The following ACACB variants were observed in gnomAD, a reference collection of about 807,000 sequenced individuals.
ACACB encodes the protein acetyl-CoA carboxylase beta.
Under a neutral mutation model 278.8 loss-of-function variants are expected in ACACB, and 209 were observed. The ratio of observed to expected loss-of-function variants is 0.75; its 90% CI spans 0.67 to 0.84. ACACB has a LOEUF of 0.84. Among genes scored for constraint, ACACB ranks in the 40% least tolerant of loss-of-function variants. ACACB has a pLI of 0.00. For missense variants in ACACB, 2,850 were observed against 3,269.0 expected (o/e 0.87, Z 3.13); for synonymous variants, 1,174 against 1,285.6 (o/e 0.91, Z 1.86).
In ACACB at chr12:109,249,841, T is replaced by G. The variant is rs903169560; in HGVS notation, c.5670-143T>G. On this transcript the variant is annotated intron_variant, in intron 40 of 52. Transcript: ENST00000338432. ...TAGCACTCATTTTGAGGGTTCTAGA[T>G]GCCAATTTCATTTTGCCTCTGGATG... 1.2e-5 allele frequency: 13 copies of G among 1,068,404 alleles called. No individual in the cohort carries two copies. The African/African-American group carries it at 1.4e-4, about 12-fold the overall frequency. 66.2% of individuals were successfully genotyped at this position (1,068,404 alleles called of 1,614,324 possible).
chr12:109,246,090 T>TA (rs1447906529), intron 38 of ACACB, 89 bp from the exon 39 acceptor site: 57 of 1,402,710 alleles, frequency 4.1e-5, no homozygotes, highest in Admixed American at 9.6e-5. Context: ...ACCCTGTATC[T>TA]AAAAAAAATA....
intron 2 of ACACB, among the ~76,000 whole-genome samples, chr12:109,152,643 T>TCTTTC (rs1363561210): frequency 8.5e-6 from 1 of 117,918 alleles, no homozygotes; most frequent in African/African-American, 4.8e-5. Flanking sequence ...TTTCTTTCTT[T>TCTTTC]TTTTTTTTTT....
At chr12:109,140,477 T>C (rs2043096587) in intron 2 of ACACB, among the ~76,000 whole-genome samples, 1 of 152,132 alleles carries the variant, frequency 6.6e-6, no homozygotes, top group African/African-American at 2.4e-5. Context: ...GCCAACATGG[T>C]GAAACTCCGT....
At chr12:109,154,685 C>T (rs1259810976) in intron 2 of ACACB, 1 of 152,346 alleles carries the variant, frequency 6.6e-6, no homozygotes, top group African/African-American at 2.4e-5. Flanking sequence ...GGGTGCATTT[C>T]GGGATGGAGC....
chr12:109,179,390 T>C lies in ACACB; in HGVS notation c.1647+93T>C, dbSNP rs2044386918. ...TTCTACGGTCAGTGTGGCTGAATGG[T>C]GGCATGGGTGCCTAACAAGAGGGAT... On this transcript the variant is annotated intron_variant, in intron 10 of 52. Transcript: ENST00000338432. 20 of 1,329,376 alleles carry C rather than the reference T, an allele frequency of 1.5e-5. No homozygotes were observed. In the East Asian group the frequency reaches 5.0e-4, roughly 33 times the overall value. 82.3% of individuals were successfully genotyped at this position (1,329,376 alleles called of 1,614,324 possible).
At chr12:109,130,102 A>G (rs1054232900) in intron 1 of ACACB, among the ~76,000 whole-genome samples, 3 of 152,182 alleles carry the variant, frequency 2.0e-5, no homozygotes, top group Non-Finnish European at 4.4e-5. Context: ...CACACTGTCC[A>G]TTGGTGGCAG....
chr12:109,240,321 A>G (rs776296420), intron 35 of ACACB, among the ~76,000 whole-genome samples: 27 of 152,020 alleles, frequency 1.8e-4, no homozygotes, highest in Non-Finnish European at 3.7e-4. Flanking sequence ...TCTGTGGCTG[A>G]ATGTTCCCTG....
In ACACB at chr12:109,253,161, G is replaced by A. The variant is rs2047140950; in HGVS notation, c.6045+3G>A. On this transcript the variant is annotated splice_donor_region_variant and intron_variant, in intron 43 of 52. Transcript: ENST00000338432. ...AGTGGCTGTCCTATATGCCAAAGGT[G>A]CAGTACTCCCCCTGCAGCTTAGAAC... The A allele has an allele frequency of 6.4e-7, 1 of 1,569,480 alleles. No individual in the cohort carries two copies. The highest frequency in any genetic ancestry group is 8.7e-7 in the Non-Finnish European group (1 of 1,154,308).
chr12:109,192,116 C>A (rs972016436), intron 15 of ACACB, among the ~76,000 whole-genome samples, 166 bp downstream of exon 15: 1 of 152,078 alleles, frequency 6.6e-6, no homozygotes, highest in Non-Finnish European at 1.5e-5. Flanking sequence ...CCTAGGCTAC[C>A]CTTGAAGAGG....
chr12:109,260,183 G>A (rs2047342249), intron 47 of ACACB: 1 of 1,423,978 alleles, frequency 7.0e-7, no homozygotes, highest in African/African-American at 1.4e-5. Context: ...GAAATGGTGG[G>A]GCAGGGCAGG....
chr12:109,237,428 C>A, intron 34 of ACACB, 48 bp downstream of exon 34: 1 of 1,543,398 alleles, frequency 6.5e-7, no homozygotes, highest in East Asian at 2.4e-5. Context: ...CTGGCCCTCC[C>A]TTCCTTACAT....
At chr12:109,142,071 G>T (rs964380239) in intron 2 of ACACB, among the ~76,000 whole-genome samples, 3 of 150,972 alleles carry the variant, frequency 2.0e-5, no homozygotes, top group Non-Finnish European at 4.4e-5. Context: ...AATATAGTGA[G>T]ACCTCATCTC....
At chr12:109,265,356 C>G (rs1226613345) in intron 51 of ACACB, 33 bp from the exon 52 acceptor site, 4 of 1,611,672 alleles carry the variant, frequency 2.5e-6, no homozygotes, top group East Asian at 4.5e-5. Context: ...ACAGCTGGGT[C>G]CCTCTCTGAG....
At chr12:109,185,866 C>T in intron 12 of ACACB, 126 bp downstream of exon 12, 4 of 888,144 alleles carry the variant, frequency 4.5e-6, no homozygotes, top group Non-Finnish European at 6.5e-6. Flanking sequence ...AATGGGGAAA[C>T]TGAGGCATGG....
Position 109,212,704 on chromosome 12 carries a change from C to G in ACACB, c.3250-132C>G. The stretch of plus-strand genomic sequence containing the variant: ...TCCCTCACCCACTGCTTACCTCCCA[C>G]TGTTCAGCCAGTTCCTAACAGGCCA... On this transcript the variant is annotated intron_variant, in intron 21 of 52. Transcript: ENST00000338432. 2.3e-5 allele frequency: 16 copies of G among 700,076 alleles called. No individual in the cohort carries two copies. The South Asian group carries it at 2.6e-4, about 11-fold the overall frequency. 43.4% of individuals were successfully genotyped at this position (700,076 alleles called of 1,614,324 possible).
chr12:109,182,661 T>C (rs2044519293), intron 11 of ACACB, among the ~76,000 whole-genome samples: 1 of 152,232 alleles, frequency 6.6e-6, no homozygotes, highest in East Asian at 1.9e-4. Flanking sequence ...TGAGTCACCA[T>C]GCTCATCCTT....
In ACACB at chr12:109,239,834, C is replaced by G. The variant is rs935320132; in HGVS notation, c.4667C>G (p.Ala1556Gly). Residue 1556 changes from alanine (A) to glycine (G), a missense_variant, in exon 35 of 53, where the codon GCC becomes GGC. Around this residue, in one of 3 missense-constraint regions of ACACB, gnomAD observed 2,265 missense variants for 2,561.3 expected, o/e 0.88. Coordinates refer to ENST00000338432, the MANE Select transcript of ACACB (RefSeq NM_001093.4). ...IRHSDLITKE[A>G]SFEYLQNEGE... ...GCCCCTCCCACTCTTTGGCAGGAAG[C>G]CTCCTTCGAATACCTGCAGAACGAG... 5.0e-6 allele frequency: 8 copies of G among 1,610,994 alleles called. No individual in the cohort carries two copies. The highest frequency in any genetic ancestry group is 2.2e-5 in the East Asian group (1 of 44,742).
At position 109,242,197 on chromosome 12, in the gene ACACB, G is replaced by A. The variant is rs2046818277; in HGVS notation, c.5023-240G>A. On this transcript the variant is annotated intron_variant, in intron 36 of 52. Coordinates refer to ENST00000338432, the MANE Select transcript of ACACB (RefSeq NM_001093.4). ...CATGCATGCCTGTTGTTGGGAGTGTGTGATGCCTTGATCACTGTATTTTTG... is the reference window on the plus strand; with the variant it reads ...CATGCATGCCTGTTGTTGGGAGTGTATGATGCCTTGATCACTGTATTTTTG... The A allele has an allele frequency of 2.8e-5, 13 of 464,034 alleles. 1 individual carries two copies. The South Asian group carries it at 3.7e-4, about 13-fold the overall frequency. 28.7% of individuals were successfully genotyped at this position (464,034 alleles called of 1,614,324 possible).
chr12:109,184,706 ATT>A (rs201836386), intron 11 of ACACB, among the ~76,000 whole-genome samples: 27 of 139,060 alleles, frequency 1.9e-4, no homozygotes, highest in Middle Eastern at 3.7e-3. Context: ...TGGCATTAAA[ATT>A]TTTTTTTTTT....
Sources: allele counts gnomAD v4.1 joint callset (sites outside exome capture counted in the v4.1 genomes callset), GRCh38; gene constraint gnomAD v4.1.1; regional missense constraint gnomAD v4.1.1; transcripts MANE v1.5; gene names NCBI Gene and HGNC (gene_info 2026-07-23, HGNC 2026-07-21).